Variants in GRID1 observed in about 807,000 individuals in gnomAD.
The protein encoded by GRID1 is glutamate ionotropic receptor delta type subunit 1.
In GRID1, 28 loss-of-function variants were observed where a neutral mutation model predicts 98.0. The ratio of observed to expected loss-of-function variants is 0.29; its 90% CI spans 0.21 to 0.39. The LOEUF is 0.39. Among genes scored for constraint, GRID1 ranks in the 10% least tolerant of loss-of-function variants. GRID1 has a pLI of 1.00. For missense variants in GRID1, 1,111 were observed against 1,340.5 expected, an observed-to-expected ratio of 0.83 and a Z score of 2.67; for synonymous variants, 553 against 538.5, an observed-to-expected ratio of 1.03 and a Z score of -0.37.
intron 4 of GRID1, among the ~76,000 whole-genome samples, chr10:86,050,904 A>C (rs1192676679): frequency 1.3e-5 from 2 of 151,700 alleles, no homozygotes; most frequent in African/African-American, 4.8e-5. Context: ...TTAAAAAAAA[A>C]AAAAAAAGAA....
intron 4 of GRID1, among the ~76,000 whole-genome samples, chr10:85,973,635 T>C (rs1371557858): frequency 6.6e-6 from 1 of 152,246 alleles, no homozygotes; most frequent in Non-Finnish European, 1.5e-5. Flanking sequence ...TAAAGTAGCT[T>C]TTCCTTTCCA....
chr10:86,232,001 A>AT (rs148826331), intron 2 of GRID1, among the ~76,000 whole-genome samples: 25,334 of 151,394 alleles, frequency 0.17, 2,519 homozygotes, highest in African/African-American at 0.26. Flanking sequence ...CCGCATGGAC[A>AT]TTTTTTTTTA....
intron 5 of GRID1, among the ~76,000 whole-genome samples, chr10:85,896,517 C>T (rs921510838): frequency 6.6e-6 from 1 of 152,138 alleles, no homozygotes; most frequent in Admixed American, 6.6e-5. Flanking sequence ...AATAATCTCT[C>T]TCTTATAAGG....
chr10:85,965,063 A>T (rs559675228), intron 4 of GRID1, among the ~76,000 whole-genome samples: 1 of 152,270 alleles, frequency 6.6e-6, no homozygotes, highest in African/African-American at 2.4e-5. Context: ...TCATTAGAGA[A>T]ATGCAAATCA....
At chr10:86,143,631 C>T (rs1845041571) in intron 3 of GRID1, among the ~76,000 whole-genome samples, 1 of 152,228 alleles carries the variant, frequency 6.6e-6, no homozygotes, top group Non-Finnish European at 1.5e-5. Context: ...CCACACGCAC[C>T]TCCACCTGCC....
At chr10:85,628,211 G>A (rs570709292) in intron 13 of GRID1, among the ~76,000 whole-genome samples, 2 of 152,142 alleles carry the variant, frequency 1.3e-5, no homozygotes, top group Admixed American at 1.3e-4. Flanking sequence ...GTGTGTATGG[G>A]TGTGTGAGTG....
chr10:85,813,345 A>T (rs1350777239), intron 8 of GRID1, among the ~76,000 whole-genome samples: 1 of 151,770 alleles, frequency 6.6e-6, no homozygotes, highest in Non-Finnish European at 1.5e-5. Flanking sequence ...GAAAGCAGCC[A>T]GAAGAAAACA....
chr10:85,677,373 G>T (rs1200077871), intron 12 of GRID1, among the ~76,000 whole-genome samples: 1 of 152,200 alleles, frequency 6.6e-6, no homozygotes, highest in African/African-American at 2.4e-5. Flanking sequence ...TTGTGATTCA[G>T]TTGAGGGGGA....
At chr10:86,255,075 C>A (rs1846896992) in intron 2 of GRID1, among the ~76,000 whole-genome samples, 1 of 152,214 alleles carries the variant, frequency 6.6e-6, no homozygotes, top group Admixed American at 6.5e-5. Flanking sequence ...CCCACTGTGT[C>A]TCCTGCTCCA....
chr10:85,838,828 G>A (rs983296948), intron 8 of GRID1, among the ~76,000 whole-genome samples: 3 of 151,930 alleles, frequency 2.0e-5, no homozygotes, highest in Non-Finnish European at 4.4e-5. Context: ...TGATCTAAAT[G>A]CCCACAATTA....
At chr10:86,149,505 CCCA>C (rs1160368863) in intron 3 of GRID1, among the ~76,000 whole-genome samples, 2 of 148,542 alleles carry the variant, frequency 1.3e-5, no homozygotes, top group Admixed American at 1.3e-4. Context: ...TTCGGCTAAT[CCCA>C]CCACATTCCA....
chr10:86,280,221 G>A (rs907351175), intron 2 of GRID1, among the ~76,000 whole-genome samples: 1 of 152,036 alleles, frequency 6.6e-6, no homozygotes, highest in Non-Finnish European at 1.5e-5. Flanking sequence ...TAAAATTAAA[G>A]ATCAATATAT....
intron 12 of GRID1, among the ~76,000 whole-genome samples, chr10:85,664,265 T>C (rs927604975): frequency 6.6e-6 from 1 of 152,060 alleles, no homozygotes; most frequent in Non-Finnish European, 1.5e-5. Flanking sequence ...AGAATCCTCA[T>C]GAAACCCATG....
intron 2 of GRID1, among the ~76,000 whole-genome samples, chr10:86,316,111 C>G (rs1357715388): frequency 1.3e-5 from 2 of 152,216 alleles, no homozygotes; most frequent in African/African-American, 2.4e-5. Flanking sequence ...GGAACTAGAA[C>G]TGGTCACAGA....
At chr10:85,835,112 T>A (rs1362735726) in intron 8 of GRID1, among the ~76,000 whole-genome samples, 2 of 151,630 alleles carry the variant, frequency 1.3e-5, no homozygotes, top group African/African-American at 4.8e-5. Context: ...AAAGGAAAAA[T>A]CCATCAGGAA....
At chr10:85,980,911 T>G (rs1193427405) in intron 4 of GRID1, among the ~76,000 whole-genome samples, 1 of 152,212 alleles carries the variant, frequency 6.6e-6, no homozygotes, top group Admixed American at 6.5e-5. Context: ...CAGTGAGGAT[T>G]TGGGAAATTA....
intron 2 of GRID1, among the ~76,000 whole-genome samples, chr10:86,277,323 A>C (rs1356854946): frequency 1.3e-5 from 2 of 152,248 alleles, no homozygotes. Flanking sequence ...CTCTGTAAGA[A>C]ATGCCAAAGG....
intron 3 of GRID1, among the ~76,000 whole-genome samples, chr10:86,190,500 G>A (rs1374904749): frequency 1.3e-5 from 2 of 152,230 alleles, no homozygotes; most frequent in Non-Finnish European, 2.9e-5. Context: ...TCTGTAGCCA[G>A]GTCCTCTGAC....
At chr10:85,939,602 T>C (rs1362657759) in intron 4 of GRID1, among the ~76,000 whole-genome samples, 3 of 152,190 alleles carry the variant, frequency 2.0e-5, no homozygotes, top group African/African-American at 7.2e-5. Flanking sequence ...TTCCTCTGAC[T>C]CTTTGTCTCC....
Sources: gnomAD v4.1 joint callset for allele counts (sites outside exome capture counted in the v4.1 genomes callset) on GRCh38, gnomAD v4.1.1 for gene constraint, MANE v1.5 for transcripts, NCBI Gene and HGNC (gene_info 2026-07-23, HGNC 2026-07-21) for gene names.